The following KLF8 variants were observed in gnomAD, a reference collection of about 807,000 sequenced individuals.
KLF8 encodes Krueppel-like factor 8.
Under a neutral mutation model 18.2 loss-of-function variants are expected in KLF8, and 10 were observed. The observed-to-expected ratio is 0.55, with a 90% CI of 0.34 to 0.93. The LOEUF is 0.93. KLF8 is among the 40% of genes least tolerant of loss of function. The pLI, the probability that KLF8 is intolerant of heterozygous loss-of-function variation, is 0.02. For missense variants in KLF8, 264 were observed against 277.9 expected, an observed-to-expected ratio of 0.95 and a Z score of 0.36; for synonymous variants, 109 against 97.3, an observed-to-expected ratio of 1.12 and a Z score of -0.71.
the KLF8 span, among the ~76,000 whole-genome samples, chrX:55,956,200 CT>C: frequency 9.2e-6 from 1 of 109,140 alleles, no homozygotes; most frequent in African/African-American, 3.4e-5. Context: ...ATGTATCTAT[CT>C]ATCTATCTAT....
intron 1 of KLF8, among the ~76,000 whole-genome samples, chrX:56,239,540 A>C (rs2066518861): frequency 8.9e-6 from 1 of 111,752 alleles, no homozygotes; most frequent in Admixed American, 9.5e-5. Context: ...AGAGACCATG[A>C]AGTTTTCTTC....
the KLF8 span, among the ~76,000 whole-genome samples, chrX:56,033,841 T>A: frequency 8.9e-6 from 1 of 112,512 alleles, no homozygotes; most frequent in South Asian, 3.6e-4. Context: ...CTTTTGTCTG[T>A]TTTAAAATAG....
At chrX:55,928,721 T>C in the KLF8 span, among the ~76,000 whole-genome samples, 2 of 112,365 alleles carry the variant, frequency 1.8e-5, no homozygotes, top group Admixed American at 1.9e-4. Context: ...CATGGCCTCA[T>C]AGTATTCCAT....
At chrX:55,950,089 A>G in the KLF8 span, among the ~76,000 whole-genome samples, 1 of 111,558 alleles carries the variant, frequency 9.0e-6, no homozygotes, top group Non-Finnish European at 1.9e-5. Flanking sequence ...TATCTACCTT[A>G]ATTTTGGAAC....
chrX:56,089,167 C>T, the KLF8 span, among the ~76,000 whole-genome samples: 7 of 111,623 alleles, frequency 6.3e-5, no homozygotes, highest in African/African-American at 2.3e-4. Context: ...ACTCTTACCT[C>T]TCAATTTGTC....
the KLF8 span, among the ~76,000 whole-genome samples, chrX:56,188,600 T>C: frequency 4.5e-5 from 5 of 111,807 alleles, no homozygotes; most frequent in African/African-American, 6.5e-5. Context: ...GGAGGCATCA[T>C]GCTACCTGAC....
chrX:56,084,135 C>T, the KLF8 span, among the ~76,000 whole-genome samples: 1 of 111,552 alleles, frequency 9.0e-6, no homozygotes, highest in Non-Finnish European at 1.9e-5. Context: ...AATCCTAGCA[C>T]TTTGGAAGGC....
At chrX:55,914,055 T>G in the KLF8 span, among the ~76,000 whole-genome samples, 6 of 112,025 alleles carry the variant, frequency 5.4e-5, no homozygotes, top group Admixed American at 9.5e-5. Context: ...CTCTCTGAGC[T>G]GGGAACATTT....
the KLF8 span, among the ~76,000 whole-genome samples, chrX:55,966,476 A>G: frequency 8.9e-6 from 1 of 112,175 alleles, no homozygotes; most frequent in Non-Finnish European, 1.9e-5. Context: ...CAGGTAATCC[A>G]GATAATTCTT....
the KLF8 span, among the ~76,000 whole-genome samples, chrX:55,953,142 T>C: frequency 9.0e-6 from 1 of 111,448 alleles, no homozygotes; most frequent in Non-Finnish European, 1.9e-5. Flanking sequence ...ACAGGTACAG[T>C]AGTGAACAAG....
chrX:56,125,178 A>T, the KLF8 span, among the ~76,000 whole-genome samples: 1 of 112,124 alleles, frequency 8.9e-6, no homozygotes, highest in East Asian at 2.8e-4. Flanking sequence ...GATGTAGCAG[A>T]CATGACATCT....
chrX:56,140,811 A>G, the KLF8 span, among the ~76,000 whole-genome samples: 10 of 105,038 alleles, frequency 9.5e-5, no homozygotes, highest in Admixed American at 8.1e-4. Context: ...AAAAAAAAAA[A>G]AAAAAAAAGA....
At chrX:56,048,397 T>A in the KLF8 span, among the ~76,000 whole-genome samples, 4 of 112,158 alleles carry the variant, frequency 3.6e-5, no homozygotes, top group Non-Finnish European at 7.5e-5. Flanking sequence ...TTTTTTGGTT[T>A]TAGGACTAAC....
the KLF8 span, among the ~76,000 whole-genome samples, chrX:56,173,665 A>G: frequency 1.8e-5 from 2 of 111,896 alleles, no homozygotes. Flanking sequence ...TGGGGATAGC[A>G]TTGAATCTAT....
chrX:56,128,633 C>T, the KLF8 span, among the ~76,000 whole-genome samples: 4 of 111,778 alleles, frequency 3.6e-5, no homozygotes, highest in Non-Finnish European at 7.5e-5. Flanking sequence ...ATCTGTTTGA[C>T]TGTTTACTTC....
At chrX:56,136,054 G>A in the KLF8 span, among the ~76,000 whole-genome samples, 7 of 111,064 alleles carry the variant, frequency 6.3e-5, no homozygotes, top group Non-Finnish European at 1.1e-4. Flanking sequence ...GGATGTGAAG[G>A]ACCTCTTCAA....
chrX:56,125,977 T>A, the KLF8 span, among the ~76,000 whole-genome samples: 1 of 112,426 alleles, frequency 8.9e-6, no homozygotes, highest in Non-Finnish European at 1.9e-5. Context: ...GTGATTTTTA[T>A]AATAGTCATT....
chrX:56,051,444 G>T, the KLF8 span, among the ~76,000 whole-genome samples: 13 of 110,573 alleles, frequency 1.2e-4, no homozygotes, highest in Non-Finnish European at 2.3e-4. Context: ...TCCTTCAGGA[G>T]CTCTTGTAAG....
At chrX:56,168,044 C>G in the KLF8 span, among the ~76,000 whole-genome samples, 1 of 111,550 alleles carries the variant, frequency 9.0e-6, no homozygotes, top group African/African-American at 3.3e-5. Flanking sequence ...AAAAGCTGCC[C>G]TGAGGGATTT....
Sources: gnomAD v4.1 joint callset for allele counts (sites outside exome capture counted in the v4.1 genomes callset) on GRCh38, gnomAD v4.1.1 for gene constraint, MANE v1.5 for transcripts, NCBI Gene and HGNC (gene_info 2026-07-23, HGNC 2026-07-21) for gene names.